The following QTMAN variants were observed in gnomAD, a reference collection of about 807,000 sequenced individuals.
QTMAN encodes the protein tRNA-queuosine alpha-mannosyltransferase.
the QTMAN span, among the ~76,000 whole-genome samples, chr2:144,133,205 T>TTA: frequency 6.9e-5 from 5 of 72,502 alleles, no homozygotes; most frequent in South Asian, 3.6e-4. Context: ...ATATATATAT[T>TTA]TATATATACA....
chr2:143,975,081 C>A, the QTMAN span, among the ~76,000 whole-genome samples: 1 of 152,218 alleles, frequency 6.6e-6, no homozygotes, highest in African/African-American at 2.4e-5. Context: ...TTCAAGCTTA[C>A]TGGAAGCAGT....
chr2:144,249,368 T>G, the QTMAN span, among the ~76,000 whole-genome samples: 2 of 152,236 alleles, frequency 1.3e-5, no homozygotes, highest in African/African-American at 4.8e-5. Flanking sequence ...CAACAGCTAC[T>G]TTTCAGCACG....
At chr2:144,209,541 T>G in the QTMAN span, among the ~76,000 whole-genome samples, 3 of 152,210 alleles carry the variant, frequency 2.0e-5, no homozygotes, top group Admixed American at 6.5e-5. Context: ...CTACAACCTT[T>G]CTTTAGACAA....
At chr2:144,136,501 C>T in the QTMAN span, among the ~76,000 whole-genome samples, 5 of 151,154 alleles carry the variant, frequency 3.3e-5, no homozygotes, top group African/African-American at 9.8e-5. Flanking sequence ...GGAAAAGAGA[C>T]GGGAAAGGAA....
At chr2:144,045,997 T>C in the QTMAN span, among the ~76,000 whole-genome samples, 1 of 152,338 alleles carries the variant, frequency 6.6e-6, no homozygotes, top group African/African-American at 2.4e-5. Context: ...TGCTATGAAC[T>C]ATTAGATTTA....
the QTMAN span, among the ~76,000 whole-genome samples, chr2:144,294,151 T>G: frequency 2.0e-5 from 3 of 152,236 alleles, no homozygotes; most frequent in South Asian, 4.1e-4. Context: ...CGCTATTTCT[T>G]TATAATCCCA....
At chr2:144,118,190 T>C in the QTMAN span, among the ~76,000 whole-genome samples, 5 of 152,208 alleles carry the variant, frequency 3.3e-5, no homozygotes, top group Admixed American at 2.6e-4. Flanking sequence ...ATCTGGTATT[T>C]CATATGACTT....
At chr2:144,261,684 TTTTTAAAACCATTC>T in the QTMAN span, among the ~76,000 whole-genome samples, 1 of 152,216 alleles carries the variant, frequency 6.6e-6, no homozygotes, top group African/African-American at 2.4e-5. Flanking sequence ...CTCAAAAGTA[TTTTTAAAACCATTC>T]TTTGAAACTT....
chr2:144,164,283 G>C, the QTMAN span, among the ~76,000 whole-genome samples: 2 of 151,806 alleles, frequency 1.3e-5, no homozygotes, highest in African/African-American at 2.4e-5. Flanking sequence ...TTCCTCATGT[G>C]ATAAATGGGC....
At chr2:143,978,650 T>C in the QTMAN span, among the ~76,000 whole-genome samples, 1 of 152,198 alleles carries the variant, frequency 6.6e-6, no homozygotes, top group South Asian at 2.1e-4. Flanking sequence ...GGATGTTACT[T>C]AAGCAGCAGT....
the QTMAN span, among the ~76,000 whole-genome samples, chr2:144,266,054 G>A: frequency 1.3e-5 from 2 of 152,122 alleles, no homozygotes; most frequent in African/African-American, 4.8e-5. Flanking sequence ...AAGAATTTGA[G>A]GTGAAATAAT....
chr2:143,986,319 T>C, the QTMAN span, among the ~76,000 whole-genome samples: 1 of 152,348 alleles, frequency 6.6e-6, no homozygotes, highest in East Asian at 1.9e-4. Flanking sequence ...AGTCAGGAAT[T>C]CATTCGATGG....
the QTMAN span, among the ~76,000 whole-genome samples, chr2:144,133,151 A>AATATATATAT: frequency 4.1e-4 from 21 of 51,352 alleles, no homozygotes; most frequent in African/African-American, 1.9e-3. Flanking sequence ...ATATATATAT[A>AATATATATAT]ATATAATATA....
chr2:144,247,210 G>A, the QTMAN span, among the ~76,000 whole-genome samples: 1 of 152,092 alleles, frequency 6.6e-6, no homozygotes, highest in Non-Finnish European at 1.5e-5. Flanking sequence ...GAAGTGTGCT[G>A]GAAGAATGTC....
the QTMAN span, among the ~76,000 whole-genome samples, chr2:144,227,419 T>C: frequency 1.3e-5 from 2 of 152,142 alleles, no homozygotes; most frequent in African/African-American, 4.8e-5. Context: ...GATGTCCCCT[T>C]AGCAATAACA....
At chr2:143,974,092 A>T in the QTMAN span, among the ~76,000 whole-genome samples, 1 of 152,200 alleles carries the variant, frequency 6.6e-6, no homozygotes, top group African/African-American at 2.4e-5. Flanking sequence ...AAATACATAG[A>T]ATGTAGGATT....
the QTMAN span, among the ~76,000 whole-genome samples, chr2:144,190,722 TAGA>T: frequency 1.3e-5 from 2 of 152,162 alleles, no homozygotes; most frequent in South Asian, 4.1e-4. Context: ...TTTAATGATG[TAGA>T]AGGAGTATAG....
At chr2:144,194,430 GCCT>G in the QTMAN span, among the ~76,000 whole-genome samples, 1 of 152,146 alleles carries the variant, frequency 6.6e-6, no homozygotes, top group African/African-American at 2.4e-5. Context: ...GTAATAAAAT[GCCT>G]AATAGGTACA....
the QTMAN span, among the ~76,000 whole-genome samples, chr2:143,976,647 T>C: frequency 2.0e-5 from 3 of 152,238 alleles, no homozygotes; most frequent in Admixed American, 6.5e-5. Flanking sequence ...CCACGTGGTG[T>C]GTCATAGTGC....
Sources: allele counts gnomAD v4.1 joint callset (sites outside exome capture counted in the v4.1 genomes callset), GRCh38; gene constraint gnomAD v4.1.1; transcripts MANE v1.5; gene names NCBI Gene and HGNC (gene_info 2026-07-23, HGNC 2026-07-21).